Variants in STAG1 observed in about 807,000 individuals in gnomAD.
STAG1 encodes cohesin subunit SA-1.
In STAG1, 26 loss-of-function variants were observed where a neutral mutation model predicts 170.9. The ratio of observed to expected loss-of-function variants is 0.15; its 90% CI spans 0.11 to 0.21. The LOEUF (loss-of-function observed/expected upper bound fraction) is 0.21, where lower values mean the gene tolerates loss of function less well. Among genes scored for constraint, STAG1 ranks in the 10% least tolerant of loss-of-function variants. The pLI is 1.00. For synonymous variants in STAG1, 514 were observed against 497.7 expected (o/e 1.03, Z -0.44); for missense variants, 964 against 1,509.5 (o/e 0.64, Z 5.99).
Position 136,500,278 on chromosome 3 carries a change from C to A in STAG1, c.847G>T (p.Glu283Ter). ...ATAGAGTTCATCATATTTTCGATTT[C>A]ATCCTGATTTTCTTGCAGCTGAAAT... ...KRKELQENQD[E>*]IENMMNSIFK... Residue 283 changes from glutamate to a stop codon, truncating the protein, a stop_gained, in exon 9 of 34, where the codon GAA (glutamate) becomes TAA (stop). Coordinates refer to ENST00000383202, the MANE Select transcript of STAG1 (RefSeq NM_005862.3). LOFTEE classifies it high-confidence loss of function. 1 of 1,586,858 alleles carries A rather than the reference C, an allele frequency of 6.3e-7. No individual in the cohort carries two copies. Among genetic ancestry groups the A allele is most frequent in the South Asian group, 1.1e-5 (1 of 88,476 alleles).
chr3:136,493,430 G>A (rs2090157978), intron 9 of STAG1, among the ~76,000 whole-genome samples: 1 of 151,900 alleles, frequency 6.6e-6, no homozygotes, highest in South Asian at 2.1e-4. Context: ...TAAGGCAGGT[G>A]GATCACTTGA....
At chr3:136,408,323 A>AT (rs1349595150) in intron 21 of STAG1, among the ~76,000 whole-genome samples, 1 of 152,186 alleles carries the variant, frequency 6.6e-6, no homozygotes, top group Non-Finnish European at 1.5e-5. Context: ...GAAGTCAGGT[A>AT]TTTTTTAAAA....
At chr3:136,357,593 TAAAAC>T (rs1212051347) in intron 28 of STAG1, 122 bp downstream of exon 28, 3 of 709,618 alleles carry the variant, frequency 4.2e-6, no homozygotes, top group Admixed American at 3.4e-5. Context: ...TATAATTCCT[TAAAAC>T]AAACTATCAG....
intron 5 of STAG1, among the ~76,000 whole-genome samples, chr3:136,551,180 T>A (rs1314995886): frequency 7.2e-6 from 1 of 139,600 alleles, no homozygotes; most frequent in African/African-American, 2.7e-5. Flanking sequence ...TTTTTTTTTT[T>A]GAGAGAGAGA....
At chr3:136,424,909 G>A (rs958466541) in intron 16 of STAG1, among the ~76,000 whole-genome samples, 23 of 151,984 alleles carry the variant, frequency 1.5e-4, no homozygotes, top group African/African-American at 5.1e-4. Flanking sequence ...GTGCAATCTC[G>A]GCTCACCGCA....
chr3:136,606,866 A>G (rs553068676), intron 3 of STAG1, among the ~76,000 whole-genome samples: 1 of 150,890 alleles, frequency 6.6e-6, no homozygotes, highest in Admixed American at 6.7e-5. Flanking sequence ...CTCCTGCCTC[A>G]GCCTCCCGAG....
intron 4 of STAG1, among the ~76,000 whole-genome samples, chr3:136,580,720 A>G (rs995123894): frequency 4.0e-5 from 6 of 150,718 alleles, no homozygotes; most frequent in Admixed American, 2.0e-4. Flanking sequence ...TTTTTAGTAG[A>G]GACGGGGTTT....
At chr3:136,617,116 T>G (rs773408425) in intron 3 of STAG1, among the ~76,000 whole-genome samples, 113 of 152,284 alleles carry the variant, frequency 7.4e-4, no homozygotes, top group Non-Finnish European at 1.2e-3. Flanking sequence ...CAGCATGGTT[T>G]AGAATAGTTA....
intron 1 of STAG1, among the ~76,000 whole-genome samples, chr3:136,645,834 T>C (rs1173643091): frequency 1.3e-5 from 2 of 152,224 alleles, no homozygotes; most frequent in Non-Finnish European, 2.9e-5. Context: ...CTACTCACTT[T>C]CTGACCACCT....
At chr3:136,366,866 C>T (rs1937092524) in intron 25 of STAG1, 77 bp downstream of exon 25, 1 of 1,262,460 alleles carries the variant, frequency 7.9e-7, no homozygotes, top group African/African-American at 1.5e-5. Flanking sequence ...TCAATTTTAG[C>T]TTCTGTCATC....
At chr3:136,398,132 T>C (rs1451304240) in intron 22 of STAG1, among the ~76,000 whole-genome samples, 1 of 151,710 alleles carries the variant, frequency 6.6e-6, no homozygotes, top group East Asian at 1.9e-4. Flanking sequence ...TTTTTTTTTT[T>C]TTCAGACAAG....
chr3:136,593,720 G>A (rs571327749), intron 4 of STAG1, among the ~76,000 whole-genome samples: 21 of 152,248 alleles, frequency 1.4e-4, no homozygotes, highest in African/African-American at 4.6e-4. Flanking sequence ...GACTCTAAAT[G>A]TTTAGAATAT....
chr3:136,439,755 A>C (rs1352289350), intron 15 of STAG1, among the ~76,000 whole-genome samples: 2 of 152,342 alleles, frequency 1.3e-5, no homozygotes, highest in East Asian at 3.9e-4. Context: ...TGAAAAATTA[A>C]GTCATTATGT....
chr3:136,733,729 C>T (rs1934171848), intron 1 of STAG1, among the ~76,000 whole-genome samples: 1 of 152,188 alleles, frequency 6.6e-6, no homozygotes, highest in Non-Finnish European at 1.5e-5. Context: ...GCATTGTTTT[C>T]CCAACAGTTA....
chr3:136,381,016 C>T (rs1413915088), intron 22 of STAG1, among the ~76,000 whole-genome samples: 5 of 144,914 alleles, frequency 3.5e-5, no homozygotes, highest in Non-Finnish European at 7.5e-5. Flanking sequence ...AGAGTAAGAC[C>T]CTGTCTCGAA....
intron 12 of STAG1, among the ~76,000 whole-genome samples, chr3:136,467,102 G>C (rs1404230078): frequency 6.6e-6 from 1 of 152,134 alleles, no homozygotes; most frequent in Non-Finnish European, 1.5e-5. Context: ...CAACTAATGA[G>C]CAAAATAACC....
At chr3:136,554,033 T>C (rs1440939555) in intron 5 of STAG1, among the ~76,000 whole-genome samples, 2 of 148,980 alleles carry the variant, frequency 1.3e-5, no homozygotes, top group African/African-American at 4.9e-5. Context: ...ACTGGAACAA[T>C]AAAAGGAAAA....
At chr3:136,638,892 A>C (rs1940686211) in intron 1 of STAG1, among the ~76,000 whole-genome samples, 1 of 151,952 alleles carries the variant, frequency 6.6e-6, no homozygotes, top group Non-Finnish European at 1.5e-5. Flanking sequence ...ACAGAGGGAG[A>C]CTCTGTCCGT....
At chr3:136,546,166 A>G (rs1475168953) in intron 5 of STAG1, among the ~76,000 whole-genome samples, 1 of 152,222 alleles carries the variant, frequency 6.6e-6, no homozygotes, top group Non-Finnish European at 1.5e-5. Flanking sequence ...TATTTTCACC[A>G]TATCTTCAAG....
Sources: allele counts gnomAD v4.1 joint callset (sites outside exome capture counted in the v4.1 genomes callset), GRCh38; gene constraint gnomAD v4.1.1; transcripts MANE v1.5; gene names NCBI Gene and HGNC (gene_info 2026-07-23, HGNC 2026-07-21).